KHDRBS2: variants seen among roughly 807,000 people sequenced by gnomAD.
KHDRBS2 encodes KH RNA binding domain containing, signal transduction associated 2.
A neutral mutation model predicts 44.3 loss-of-function variants in KHDRBS2; 26 were observed. That is an observed-to-expected ratio of 0.59 (90% confidence interval 0.43 to 0.81). The LOEUF is 0.81. KHDRBS2 is among the 40% of genes least tolerant of loss of function. The pLI, the probability that KHDRBS2 is intolerant of heterozygous loss-of-function variation, is 0.00. For missense variants in KHDRBS2, 476 were observed against 433.1 expected, an observed-to-expected ratio of 1.10 and a Z score of -0.88; for synonymous variants, 194 against 151.1, an observed-to-expected ratio of 1.28 and a Z score of -2.08.
At chr6:61,702,458 T>A (rs967701394) in intron 7 of KHDRBS2, among the ~76,000 whole-genome samples, 4 of 151,972 alleles carry the variant, frequency 2.6e-5, no homozygotes, top group Non-Finnish European at 5.9e-5. Context: ...TTGTGAGACA[T>A]CCTTATTATG....
the KHDRBS2 span, among the ~76,000 whole-genome samples, chr6:61,621,214 C>A: frequency 1.3e-5 from 2 of 152,248 alleles, no homozygotes; most frequent in South Asian, 2.1e-4. Context: ...CCACTGATAA[C>A]CTAGAAAACC....
At chr6:61,953,075 T>C (rs980611654) in intron 4 of KHDRBS2, among the ~76,000 whole-genome samples, 2 of 152,040 alleles carry the variant, frequency 1.3e-5, no homozygotes, top group Non-Finnish European at 2.9e-5. Flanking sequence ...TACCTGTTCA[T>C]ATTTGGCCCA....
the KHDRBS2 span, among the ~76,000 whole-genome samples, chr6:61,591,947 G>A: frequency 6.6e-6 from 1 of 152,086 alleles, no homozygotes; most frequent in South Asian, 2.1e-4. Context: ...AGTGCTTTGG[G>A]AAGCCAAGGC....
the KHDRBS2 span, among the ~76,000 whole-genome samples, chr6:61,557,228 T>A: frequency 1.3e-5 from 2 of 152,296 alleles, no homozygotes; most frequent in East Asian, 1.9e-4. Flanking sequence ...ATGCTTATAC[T>A]TTTTTATAGT....
chr6:61,775,782 G>GA (rs1462333722), intron 6 of KHDRBS2, among the ~76,000 whole-genome samples: 5 of 152,076 alleles, frequency 3.3e-5, no homozygotes, highest in South Asian at 2.1e-4. Context: ...CATAGAATTG[G>GA]AAAAAACTAC....
At chr6:61,672,066 A>T in the KHDRBS2 span, among the ~76,000 whole-genome samples, 1 of 144,928 alleles carries the variant, frequency 6.9e-6, no homozygotes, top group East Asian at 2.1e-4. Context: ...CTCTTGTTCA[A>T]TTCCCACCTA....
chr6:61,807,686 G>A (rs577175192), intron 6 of KHDRBS2, among the ~76,000 whole-genome samples: 1 of 152,124 alleles, frequency 6.6e-6, no homozygotes, highest in East Asian at 1.9e-4. Flanking sequence ...GGTGGGAGGA[G>A]GGAGAGGATC....
intron 1 of KHDRBS2, among the ~76,000 whole-genome samples, chr6:62,259,638 G>A (rs855413): frequency 0.17 from 25,552 of 151,606 alleles, 2,357 homozygotes; most frequent in African/African-American, 0.25. Context: ...AACATTTCTC[G>A]ATTGAAAATA....
chr6:62,124,280 C>A (rs1230497546), intron 2 of KHDRBS2, among the ~76,000 whole-genome samples: 4 of 152,142 alleles, frequency 2.6e-5, no homozygotes, highest in African/African-American at 9.7e-5. Context: ...TAACTTCCTA[C>A]AAGAGAGAAG....
At chr6:61,702,507 T>G (rs2127546471) in intron 7 of KHDRBS2, among the ~76,000 whole-genome samples, 1 of 152,056 alleles carries the variant, frequency 6.6e-6, no homozygotes, top group South Asian at 2.1e-4. Context: ...AGTTGGCAAT[T>G]AATACAATCC....
chr6:61,553,070 G>A, the KHDRBS2 span, among the ~76,000 whole-genome samples: 1 of 152,160 alleles, frequency 6.6e-6, no homozygotes, highest in Non-Finnish European at 1.5e-5. Flanking sequence ...AGCTTCCATA[G>A]GAATAATACT....
At chr6:62,271,634 G>A (rs1364419898) in intron 1 of KHDRBS2, among the ~76,000 whole-genome samples, 8 of 152,072 alleles carry the variant, frequency 5.3e-5, no homozygotes, top group African/African-American at 1.9e-4. Context: ...AGGACAAGAT[G>A]TAGGGTGGTG....
At chr6:62,066,247 T>G (rs1427265657) in intron 2 of KHDRBS2, among the ~76,000 whole-genome samples, 2 of 151,722 alleles carry the variant, frequency 1.3e-5, no homozygotes, top group Non-Finnish European at 3.0e-5. Flanking sequence ...ATAAAAATGT[T>G]TCTAGAGTTC....
At chr6:61,826,442 T>C (rs1447800639) in intron 6 of KHDRBS2, among the ~76,000 whole-genome samples, 6 of 152,104 alleles carry the variant, frequency 3.9e-5, no homozygotes, top group Non-Finnish European at 8.8e-5. Context: ...CAGTCTCTCA[T>C]GGTGGCTGCT....
chr6:61,914,091 G>T (rs555182389), intron 4 of KHDRBS2, among the ~76,000 whole-genome samples: 1 of 152,068 alleles, frequency 6.6e-6, no homozygotes, highest in East Asian at 1.9e-4. Context: ...GATTAAAGTA[G>T]GACTAGACTG....
Position 61,708,020 on chromosome 6 carries a change from G to T in KHDRBS2, c.894-10767C>A, listed in dbSNP as rs1769874619. On this transcript the variant is annotated intron_variant, in intron 7 of 8. Coordinates refer to ENST00000281156, the MANE Select transcript of KHDRBS2 (RefSeq NM_152688.4). ...ATATAGCTTATTTAGCCAGCATTTG[G>T]TGCACATATTTTAGACAGTTAATTT... Among the ~76,000 whole-genome samples, 5 of 151,506 alleles carry T rather than the reference G, an allele frequency of 3.3e-5. No individual in the cohort carries two copies. The South Asian group carries it at 1.0e-3, about 31-fold the overall frequency.
chr6:61,924,021 A>G (rs991635688), intron 4 of KHDRBS2, among the ~76,000 whole-genome samples: 1 of 152,110 alleles, frequency 6.6e-6, no homozygotes, highest in Non-Finnish European at 1.5e-5. Context: ...AACAATTAGG[A>G]GTTGAAATTA....
chr6:62,217,711 A>C (rs1299050767), intron 1 of KHDRBS2, among the ~76,000 whole-genome samples: 1 of 151,882 alleles, frequency 6.6e-6, no homozygotes, highest in African/African-American at 2.4e-5. Context: ...TACATATGTA[A>C]CAATAAAACA....
chr6:62,229,329 T>A (rs1832490681), intron 1 of KHDRBS2, among the ~76,000 whole-genome samples: 1 of 152,028 alleles, frequency 6.6e-6, no homozygotes, highest in Non-Finnish European at 1.5e-5. Context: ...GGGATAGATA[T>A]CTCTTGGGAC....
Sources: allele counts gnomAD v4.1 joint callset (sites outside exome capture counted in the v4.1 genomes callset), GRCh38; gene constraint gnomAD v4.1.1; transcripts MANE v1.5; gene names NCBI Gene and HGNC (gene_info 2026-07-23, HGNC 2026-07-21).